The following SRBD1 variants were observed in gnomAD, a reference collection of about 807,000 sequenced individuals.
SRBD1 encodes the protein S1 RNA binding domain 1, also known as S1 RNA-binding domain-containing protein 1.
A neutral mutation model predicts 115.3 loss-of-function variants in SRBD1; 88 were observed. The ratio of observed to expected loss-of-function variants is 0.76; its 90% CI spans 0.64 to 0.91. SRBD1 has a LOEUF of 0.91. SRBD1 is among the 40% of genes least tolerant of loss of function. SRBD1 has a pLI of 0.00. For synonymous variants in SRBD1, 509 were observed against 407.7 expected (o/e 1.25, Z -2.99); for missense variants, 1,385 against 1,177.4 (o/e 1.18, Z -2.58).
intron 16 of SRBD1, among the ~76,000 whole-genome samples, chr2:45,422,483 TA>T (rs1264656853): frequency 6.6e-6 from 1 of 152,092 alleles, no homozygotes; most frequent in African/African-American, 2.4e-5. Context: ...GCCACCGGCA[TA>T]AAAAAATAAA....
At chr2:45,539,900 T>C (rs1235362116) in intron 14 of SRBD1, among the ~76,000 whole-genome samples, 6 of 152,070 alleles carry the variant, frequency 3.9e-5, no homozygotes, top group African/African-American at 1.4e-4. Context: ...TTACAAGGAT[T>C]CTAGAATTAT....
intron 4 of SRBD1, among the ~76,000 whole-genome samples, chr2:45,586,502 T>A (rs1022705529): frequency 2.0e-5 from 3 of 152,206 alleles, no homozygotes; most frequent in Non-Finnish European, 2.9e-5. Context: ...TTGAATTTTG[T>A]ATCATGCACA....
At chr2:45,442,550 G>T (rs1558397775) in intron 16 of SRBD1, among the ~76,000 whole-genome samples, 4 of 152,178 alleles carry the variant, frequency 2.6e-5, no homozygotes, top group Admixed American at 2.6e-4. Flanking sequence ...TTAGAAAAGA[G>T]ATATGGATAT....
intron 14 of SRBD1, among the ~76,000 whole-genome samples, chr2:45,503,238 T>C (rs991404361): frequency 2.0e-5 from 3 of 152,136 alleles, no homozygotes; most frequent in Non-Finnish European, 4.4e-5. Flanking sequence ...CAACTGACTT[T>C]AATATATTAT....
intron 14 of SRBD1, among the ~76,000 whole-genome samples, chr2:45,544,294 C>T (rs2104022541): frequency 6.6e-6 from 1 of 151,168 alleles, no homozygotes; most frequent in Admixed American, 6.6e-5. Flanking sequence ...AAGATTAGCC[C>T]ACACTTAACA....
intron 19 of SRBD1, among the ~76,000 whole-genome samples, chr2:45,401,599 G>C (rs1049293714): frequency 6.6e-6 from 1 of 152,218 alleles, no homozygotes; most frequent in East Asian, 1.9e-4. Flanking sequence ...TACAGCATTT[G>C]CAGTTGGATT....
chr2:45,526,066 C>T (rs149870751), intron 14 of SRBD1, among the ~76,000 whole-genome samples: 42 of 152,092 alleles, frequency 2.8e-4, no homozygotes, highest in African/African-American at 1.0e-3. Context: ...GTTCCCCAAA[C>T]AATCACAGAG....
intron 14 of SRBD1, among the ~76,000 whole-genome samples, chr2:45,506,450 G>C (rs1296520853): frequency 6.6e-6 from 1 of 152,108 alleles, no homozygotes; most frequent in Non-Finnish European, 1.5e-5. Context: ...ATCTAGAACA[G>C]GTATGATCTT....
At position 45,419,806 on chromosome 2, in the gene SRBD1, C is replaced by T; in HGVS notation, c.2138G>A (p.Cys713Tyr). The T allele has an allele frequency of 6.2e-7, 1 of 1,613,724 alleles. No individual in the cohort carries two copies. Reference sequence around the variant, plus strand: ...GTCTCACCTTAACAAAACTTCTGAACAGATGTTAATATCCACTCCCACAAA... The same window carrying T: ...GTCTCACCTTAACAAAACTTCTGAATAGATGTTAATATCCACTCCCACAAA... ...VSFVGVDINI[C>Y]SEVLLRHIAG... The change falls in exon 17 of 21, where the codon TGT becomes TAT. Residue 713 changes from cysteine to tyrosine, a missense_variant. By Grantham distance (194) the Cys-to-Tyr change is radical. Coordinates refer to ENST00000263736, the MANE Select transcript of SRBD1 (RefSeq NM_018079.5).
chr2:45,463,305 T>C (rs1284519049), intron 16 of SRBD1, among the ~76,000 whole-genome samples: 1 of 152,242 alleles, frequency 6.6e-6, no homozygotes, highest in Non-Finnish European at 1.5e-5. Context: ...ATGCATTTAA[T>C]GCATACTGTC....
At chr2:45,561,956 G>T (rs1672675990) in intron 10 of SRBD1, among the ~76,000 whole-genome samples, 1 of 151,980 alleles carries the variant, frequency 6.6e-6, no homozygotes, top group South Asian at 2.1e-4. Context: ...CATCCTTAAA[G>T]AGCTAAACAC....
At chr2:45,479,295 C>T (rs1384763183) in intron 15 of SRBD1, among the ~76,000 whole-genome samples, 1 of 152,004 alleles carries the variant, frequency 6.6e-6, no homozygotes, top group East Asian at 1.9e-4. Flanking sequence ...AAATCAAAAG[C>T]TAGAAATAAT....
At chr2:45,574,884 T>C (rs1388443701) in intron 7 of SRBD1, among the ~76,000 whole-genome samples, 161 bp from the exon 8 acceptor site, 2 of 152,194 alleles carry the variant, frequency 1.3e-5, no homozygotes, top group Non-Finnish European at 2.9e-5. Flanking sequence ...CTTCCCTTTG[T>C]AACAAAAACA....
intron 14 of SRBD1, among the ~76,000 whole-genome samples, chr2:45,522,175 C>T (rs1159411346): frequency 3.3e-5 from 5 of 151,862 alleles, no homozygotes; most frequent in Non-Finnish European, 7.4e-5. Flanking sequence ...TAAAAAAATG[C>T]TCCAAAATCT....
At chr2:45,459,679 T>A in intron 16 of SRBD1, among the ~76,000 whole-genome samples, 1 of 152,176 alleles carries the variant, frequency 6.6e-6, no homozygotes, top group East Asian at 1.9e-4. Flanking sequence ...GGCACTTCCA[T>A]GTCTAATTTT....
intron 4 of SRBD1, among the ~76,000 whole-genome samples, chr2:45,596,817 G>A (rs978819611): frequency 1.3e-5 from 2 of 152,032 alleles, no homozygotes; most frequent in Non-Finnish European, 2.9e-5. Context: ...GTCAACAGTG[G>A]CTAATCATCA....
chr2:45,488,737 C>T (rs1352164598), intron 14 of SRBD1, among the ~76,000 whole-genome samples: 2 of 152,058 alleles, frequency 1.3e-5, no homozygotes. Flanking sequence ...ATGAATCATT[C>T]TAAGGCACCT....
chr2:45,504,908 C>T (rs1441752189), intron 14 of SRBD1, among the ~76,000 whole-genome samples: 2 of 152,036 alleles, frequency 1.3e-5, no homozygotes, highest in Admixed American at 1.3e-4. Context: ...TTAATAAAAA[C>T]GAGGAGTAAG....
At chr2:45,498,017 A>G (rs1670514965) in intron 14 of SRBD1, among the ~76,000 whole-genome samples, 1 of 152,144 alleles carries the variant, frequency 6.6e-6, no homozygotes, top group Non-Finnish European at 1.5e-5. Flanking sequence ...AAAGAAAACT[A>G]CCTAGGTGCA....
Sources: allele counts gnomAD v4.1 joint callset (sites outside exome capture counted in the v4.1 genomes callset), GRCh38; gene constraint gnomAD v4.1.1; transcripts MANE v1.5; gene names NCBI Gene and HGNC (gene_info 2026-07-23, HGNC 2026-07-21).